ADARB2: variants seen among roughly 807,000 people sequenced by gnomAD.
ADARB2 encodes adenosine deaminase RNA specific B2 (inactive).
In ADARB2, 25 loss-of-function variants were observed where a neutral mutation model predicts 62.2. The observed-to-expected ratio is 0.40, with a 90% CI of 0.29 to 0.56. The LOEUF is 0.56. Ranked by LOEUF, ADARB2 falls within the 20% of genes least tolerant of loss-of-function variation. The pLI, the probability that ADARB2 is intolerant of heterozygous loss-of-function variation, is 0.43. For missense variants in ADARB2, 1,071 were observed against 1,077.4 expected (o/e 0.99, Z 0.08); for synonymous variants, 572 against 500.8 (o/e 1.14, Z -1.90).
At chr10:1,579,840 C>T (rs2131999509) in intron 1 of ADARB2, among the ~76,000 whole-genome samples, 1 of 152,304 alleles carries the variant, frequency 6.6e-6, no homozygotes, top group East Asian at 1.9e-4. Flanking sequence ...AGACATCCTG[C>T]ACAGGCTGGC....
intron 7 of ADARB2, among the ~76,000 whole-genome samples, chr10:1,208,632 A>G (rs145134410): frequency 4.3e-4 from 65 of 152,328 alleles, no homozygotes; most frequent in Non-Finnish European, 7.8e-4. Context: ...CTGGACCCCC[A>G]GTGGGCCTGG....
chr10:1,485,269 G>C (rs1375167660), intron 1 of ADARB2, among the ~76,000 whole-genome samples: 3 of 151,982 alleles, frequency 2.0e-5, no homozygotes, highest in Non-Finnish European at 2.9e-5. Flanking sequence ...TGGATTTGTA[G>C]GTGTACTTGG....
At chr10:1,468,430 C>G (rs2131914770) in intron 1 of ADARB2, among the ~76,000 whole-genome samples, 1 of 152,312 alleles carries the variant, frequency 6.6e-6, no homozygotes, top group Non-Finnish European at 1.5e-5. Context: ...GAGATGCTAC[C>G]TAGTGTGGCC....
chr10:1,205,067 C>G (rs757445478), intron 7 of ADARB2, among the ~76,000 whole-genome samples: 3 of 152,132 alleles, frequency 2.0e-5, no homozygotes, highest in Non-Finnish European at 4.4e-5. Context: ...CCTGGGTTCT[C>G]CCTTAGGTCC....
chr10:1,628,491 A>G (rs763076927), intron 1 of ADARB2, among the ~76,000 whole-genome samples: 29 of 152,256 alleles, frequency 1.9e-4, no homozygotes, highest in African/African-American at 6.8e-4. Flanking sequence ...TGACACAGAT[A>G]TTAAAACAAT....
intron 1 of ADARB2, among the ~76,000 whole-genome samples, chr10:1,424,471 A>G (rs1042912177): frequency 6.6e-6 from 1 of 152,108 alleles, no homozygotes; most frequent in Non-Finnish European, 1.5e-5. Context: ...CAAAGTGTGG[A>G]TTCTCGCGGA....
chr10:1,303,731 C>G (rs550269152), intron 3 of ADARB2, among the ~76,000 whole-genome samples: 15 of 152,174 alleles, frequency 9.9e-5, no homozygotes, highest in African/African-American at 3.4e-4. Context: ...ATTCAACATT[C>G]TTAAAAGAAT....
Position 1,311,712 on chromosome 10 carries a change from GCTT to G in ADARB2, c.1078-40646_1078-40644del, listed in dbSNP as rs377051012. On this transcript the variant is annotated intron_variant, in intron 3 of 9. Transcript: ENST00000381312. ...AGCCCTGGGTTCCAGCAAAGACCTT[GCTT>G]CTTCTGTCTCCCACTGGGACCCCTG... Among the ~76,000 whole-genome samples the G allele has an allele frequency of 1.5e-4, 23 of 152,282 alleles. No individual in the cohort carries two copies. In the East Asian group the frequency reaches 3.1e-3, roughly 20 times the overall value.
At chr10:1,727,401 G>A (rs751672354) in intron 1 of ADARB2, among the ~76,000 whole-genome samples, 6 of 152,150 alleles carry the variant, frequency 3.9e-5, no homozygotes, top group Non-Finnish European at 8.8e-5. Context: ...GCTGCCCTGT[G>A]TAAAAGACGA....
intron 1 of ADARB2, among the ~76,000 whole-genome samples, chr10:1,645,173 C>G (rs1055376624): frequency 6.6e-6 from 1 of 152,260 alleles, no homozygotes; most frequent in Non-Finnish European, 1.5e-5. Context: ...GACCAAGGTT[C>G]TGAGCACTTA....
chr10:1,271,268 A>G (rs1831259691), intron 3 of ADARB2, among the ~76,000 whole-genome samples, 199 bp from the exon 4 acceptor site: 1 of 152,150 alleles, frequency 6.6e-6, no homozygotes, highest in South Asian at 2.1e-4. Flanking sequence ...TCAGAATCAT[A>G]TTGAGTGGCT....
chr10:1,259,533 A>C (rs1266796719), intron 4 of ADARB2, among the ~76,000 whole-genome samples: 1 of 152,256 alleles, frequency 6.6e-6, no homozygotes, highest in African/African-American at 2.4e-5. Flanking sequence ...CTACGCAAAT[A>C]AACTAGAAAA....
chr10:1,270,652 C>T (rs2131798597), intron 4 of ADARB2, among the ~76,000 whole-genome samples: 1 of 152,194 alleles, frequency 6.6e-6, no homozygotes, highest in South Asian at 2.1e-4. Flanking sequence ...TACACCCCAA[C>T]CAGAGGAACT....
intron 1 of ADARB2, among the ~76,000 whole-genome samples, chr10:1,653,523 TCTCC>T (rs1353118355): frequency 2.6e-4 from 39 of 151,932 alleles, no homozygotes; most frequent in East Asian, 9.7e-4. Flanking sequence ...AGAGCCGCAG[TCTCC>T]ACCAGACGCC....
chr10:1,601,198 G>A (rs2813401), intron 1 of ADARB2, among the ~76,000 whole-genome samples: 4 of 152,206 alleles, frequency 2.6e-5, no homozygotes, highest in African/African-American at 7.2e-5. Flanking sequence ...CACCACGTGT[G>A]GCTCAGAGAC....
intron 1 of ADARB2, among the ~76,000 whole-genome samples, chr10:1,480,013 A>G (rs1831446889): frequency 1.3e-5 from 2 of 152,084 alleles, no homozygotes; most frequent in South Asian, 2.1e-4. Context: ...AACTCAACAA[A>G]CTGGAAATAG....
intron 3 of ADARB2, among the ~76,000 whole-genome samples, chr10:1,337,082 G>GTGTGTGTGTGTGTGTGTA (rs145164849): frequency 9.2e-5 from 14 of 151,534 alleles, no homozygotes; most frequent in African/African-American, 2.4e-4. Context: ...GTGTGTGTGT[G>GTGTGTGTGTGTGTGTGTA]TGTGTGTGTG....
At chr10:1,518,716 G>T (rs542641240) in intron 1 of ADARB2, among the ~76,000 whole-genome samples, 1 of 152,038 alleles carries the variant, frequency 6.6e-6, no homozygotes, top group Non-Finnish European at 1.5e-5. Context: ...TTCATTCCGT[G>T]TAATGTCTGC....
chr10:1,578,814 C>G (rs542174567), intron 1 of ADARB2, among the ~76,000 whole-genome samples: 1 of 152,172 alleles, frequency 6.6e-6, no homozygotes, highest in Non-Finnish European at 1.5e-5. Flanking sequence ...TGCACACACA[C>G]GCATATACAC....
Sources: gnomAD v4.1 joint callset for allele counts (sites outside exome capture counted in the v4.1 genomes callset) on GRCh38, gnomAD v4.1.1 for gene constraint, MANE v1.5 for transcripts, NCBI Gene and HGNC (gene_info 2026-07-23, HGNC 2026-07-21) for gene names.